SCAI: variants seen among roughly 807,000 people sequenced by gnomAD.
The protein encoded by SCAI is protein SCAI.
SCAI carries 24 observed loss-of-function variants against 92.2 expected under a neutral mutation model. The ratio of observed to expected loss-of-function variants is 0.26; its 90% CI spans 0.19 to 0.37. The LOEUF (loss-of-function observed/expected upper bound fraction) is 0.37. Ranked by LOEUF, SCAI falls within the 10% of genes least tolerant of loss-of-function variation. SCAI has a pLI of 1.00. For missense variants in SCAI, 450 were observed against 736.2 expected (o/e 0.61, Z 4.50); for synonymous variants, 261 against 258.6 (o/e 1.01, Z -0.09).
chr9:125,127,206 G>A (rs914738669), intron 2 of SCAI, among the ~76,000 whole-genome samples: 25 of 152,132 alleles, frequency 1.6e-4, no homozygotes, highest in African/African-American at 5.6e-4. Flanking sequence ...AGGCTTCAAC[G>A]CCTCATATCC....
chr9:125,132,483 C>T (rs937793179), intron 2 of SCAI, among the ~76,000 whole-genome samples: 1 of 152,132 alleles, frequency 6.6e-6, no homozygotes, highest in African/African-American at 2.4e-5. Context: ...TGACTTGGAT[C>T]ACCACGTGTT....
chr9:125,118,529 A>C (rs1835096927), intron 2 of SCAI, among the ~76,000 whole-genome samples: 1 of 151,902 alleles, frequency 6.6e-6, no homozygotes, highest in South Asian at 2.1e-4. Flanking sequence ...TAAATAAATA[A>C]ATAAATAAAG....
At chr9:125,063,251 A>C (rs1242952895) in intron 2 of SCAI, among the ~76,000 whole-genome samples, 1 of 151,704 alleles carries the variant, frequency 6.6e-6, no homozygotes, top group Non-Finnish European at 1.5e-5. Context: ...TCTATTAAAA[A>C]TACAAAAATT....
intron 2 of SCAI, among the ~76,000 whole-genome samples, chr9:125,134,615 T>C (rs1050266257): frequency 6.6e-6 from 1 of 152,214 alleles, no homozygotes; most frequent in Non-Finnish European, 1.5e-5. Context: ...CCAAACATCA[T>C]TAACAGACAT....
intron 2 of SCAI, among the ~76,000 whole-genome samples, chr9:125,117,665 C>CAAAAAAA (rs372964615): frequency 6.6e-5 from 3 of 45,230 alleles, no homozygotes; most frequent in Admixed American, 6.1e-4. Context: ...GACTCCATCT[C>CAAAAAAA]AAAAAAAAAA....
At chr9:125,137,750 GCCA>G (rs1564137248) in intron 2 of SCAI, among the ~76,000 whole-genome samples, 2 of 152,088 alleles carry the variant, frequency 1.3e-5, no homozygotes, top group African/African-American at 2.4e-5. Flanking sequence ...ACAGGCACGC[GCCA>G]CCATGCCCGG....
chr9:125,087,560 G>C (rs1230592619), intron 2 of SCAI, among the ~76,000 whole-genome samples: 1 of 152,162 alleles, frequency 6.6e-6, no homozygotes, highest in Non-Finnish European at 1.5e-5. Flanking sequence ...AGAAAGTATT[G>C]CATTATTTTA....
At chr9:125,132,426 G>A (rs1835422303) in intron 2 of SCAI, among the ~76,000 whole-genome samples, 1 of 152,018 alleles carries the variant, frequency 6.6e-6, no homozygotes, top group South Asian at 2.1e-4. Flanking sequence ...GATTACAGGT[G>A]TGATCCAATG....
At chr9:125,116,067 C>T (rs1165787562) in intron 2 of SCAI, among the ~76,000 whole-genome samples, 2 of 152,098 alleles carry the variant, frequency 1.3e-5, no homozygotes, top group East Asian at 1.9e-4. Flanking sequence ...GTGGCACATG[C>T]CTGTCTACTC....
chr9:125,047,948 T>C lies in SCAI; in HGVS notation c.230+7928A>G, dbSNP rs566970225. Among the ~76,000 whole-genome samples the C allele has an allele frequency of 8.5e-5, 13 of 152,302 alleles. No individual in the cohort carries two copies. The South Asian group carries it at 2.5e-3, about 29-fold the overall frequency. On this transcript the variant is annotated intron_variant, in intron 3 of 17. Coordinates refer to ENST00000336505, the MANE Select transcript of SCAI (RefSeq NM_001144877.3). The stretch of plus-strand genomic sequence containing the variant: ...AATTTAAAATAACATTTGTGGCTTA[T>C]ATTAAATTTCTATTAGTCATTGATT...
At chr9:125,059,499 C>T (rs662621) in intron 2 of SCAI, among the ~76,000 whole-genome samples, 88,802 of 151,998 alleles carry the variant, frequency 0.58, 26,715 homozygotes, top group Non-Finnish European at 0.68. Flanking sequence ...AATACAAACA[C>T]AGTAAAATAC....
intron 3 of SCAI, among the ~76,000 whole-genome samples, chr9:125,046,012 CTAAAAG>C (rs1235734779): frequency 1.3e-5 from 2 of 151,140 alleles, no homozygotes; most frequent in African/African-American, 2.4e-5. Flanking sequence ...CCTTAAATGA[CTAAAAG>C]TAAAACTACC....
chr9:125,112,874 G>A (rs1360620772), intron 2 of SCAI, among the ~76,000 whole-genome samples: 1 of 152,080 alleles, frequency 6.6e-6, no homozygotes, highest in East Asian at 1.9e-4. Context: ...ATGTCAAAGG[G>A]ACTTATCAGC....
intron 2 of SCAI, among the ~76,000 whole-genome samples, chr9:125,092,210 G>C (rs10986557): frequency 4.0e-4 from 55 of 137,462 alleles, no homozygotes; most frequent in African/African-American, 1.4e-3. Flanking sequence ...TGTAATCCCA[G>C]AACTTTGGGA....
At chr9:125,024,201 C>T (rs915797609) in intron 6 of SCAI, among the ~76,000 whole-genome samples, 7 of 151,188 alleles carry the variant, frequency 4.6e-5, no homozygotes, top group Admixed American at 2.0e-4. Flanking sequence ...ATGTTGTCAA[C>T]GTCAACATAA....
In SCAI at chr9:125,143,445, C is replaced by T; in HGVS notation, c.-8G>A. The T allele has an allele frequency of 7.3e-7, 1 of 1,364,000 alleles. No individual in the cohort carries two copies. Among genetic ancestry groups the T allele is most frequent in the Non-Finnish European group, 9.5e-7 (1 of 1,055,736 alleles). 84.5% of individuals were successfully genotyped at this position (1,364,000 alleles called of 1,614,324 possible). ...CCGGGCTCCTCTGACCATCCGGCTC[C>T]TGCTCCGCCGCGGGAGCTGCTCCGG... On this transcript the variant is annotated 5_prime_UTR_variant, in exon 1 of 18. Transcript: ENST00000336505.
At chr9:125,111,917 C>G (rs1368493471) in intron 2 of SCAI, among the ~76,000 whole-genome samples, 2 of 152,082 alleles carry the variant, frequency 1.3e-5, no homozygotes, top group Admixed American at 6.5e-5. Context: ...GAAAGCTGCA[C>G]AGAGAGAAAA....
At chr9:125,020,961 CATTT>C (rs1402220322) in intron 6 of SCAI, among the ~76,000 whole-genome samples, 192 bp from the exon 7 acceptor site, 1 of 152,080 alleles carries the variant, frequency 6.6e-6, no homozygotes, top group Non-Finnish European at 1.5e-5. Context: ...TATATTCATT[CATTT>C]AACAAGTATT....
intron 2 of SCAI, among the ~76,000 whole-genome samples, chr9:125,072,715 C>G (rs919111481): frequency 8.5e-5 from 13 of 152,160 alleles, no homozygotes; most frequent in African/African-American, 2.7e-4. Flanking sequence ...TAGCCCCTGG[C>G]AGCCACCAAT....
Sources: allele counts gnomAD v4.1 joint callset (sites outside exome capture counted in the v4.1 genomes callset), GRCh38; gene constraint gnomAD v4.1.1; transcripts MANE v1.5; gene names NCBI Gene and HGNC (gene_info 2026-07-23, HGNC 2026-07-21).